Variants in TRPC4 observed in about 807,000 individuals in gnomAD.
The protein encoded by TRPC4 is transient receptor potential cation channel subfamily C member 4, also known as short transient receptor potential channel 4.
Under a neutral mutation model 99.4 loss-of-function variants are expected in TRPC4, and 49 were observed. The ratio of observed to expected loss-of-function variants is 0.49; its 90% CI spans 0.39 to 0.63. TRPC4 has a LOEUF of 0.63. Ranked by LOEUF, TRPC4 falls within the 20% of genes least tolerant of loss-of-function variation. The pLI, the probability that TRPC4 is intolerant of heterozygous loss-of-function variation, is 0.00. For synonymous variants in TRPC4, 454 were observed against 425.9 expected (o/e 1.07, Z -0.81); for missense variants, 898 against 1,152.9 (o/e 0.78, Z 3.20).
chr13:37,637,309 T>C lies in TRPC4; in HGVS notation c.2528A>G (p.Lys843Arg). 6.2e-7 allele frequency: 1 copy of C among 1,613,878 alleles called. No homozygotes were observed. Among genetic ancestry groups the C allele is most frequent in the Non-Finnish European group, 8.5e-7 (1 of 1,179,862 alleles). The change falls in exon 11 of 11, where the codon AAA (lysine) becomes AGA (arginine). Residue 843 changes from lysine to arginine, a missense_variant. This residue lies in a region of TRPC4 where 346 missense variants were observed against 351.4 expected (regional missense o/e 0.98). Transcript: ENST00000379705. Reference sequence around the variant, plus strand: ...TCGTCTATGAAATAACCCAAAGTTTTTGATATCGGTCACAAAATTCACTTT... The same window carrying C: ...TCGTCTATGAAATAACCCAAAGTTTCTGATATCGGTCACAAAATTCACTTT... ...QRKVNFVTDI[K>R]NFGLFHRRSK...
At chr13:37,828,345 C>T (rs543754184) in intron 1 of TRPC4, among the ~76,000 whole-genome samples, 9 of 152,228 alleles carry the variant, frequency 5.9e-5, no homozygotes, top group Non-Finnish European at 1.0e-4. Flanking sequence ...CAGATGCTGG[C>T]GAGGTTGTGG....
At chr13:37,824,757 G>T (rs1487913868) in intron 1 of TRPC4, among the ~76,000 whole-genome samples, 1 of 152,116 alleles carries the variant, frequency 6.6e-6, no homozygotes, top group Non-Finnish European at 1.5e-5. Flanking sequence ...TCTCTGCCAG[G>T]CTTTGGTATC....
intron 3 of TRPC4, among the ~76,000 whole-genome samples, chr13:37,719,841 T>G (rs1266868694): frequency 6.7e-6 from 1 of 149,072 alleles, no homozygotes; most frequent in African/African-American, 2.6e-5. Context: ...GAATGAAGGT[T>G]GCAGATGGAA....
At chr13:37,689,026 T>C (rs1953588784) in intron 4 of TRPC4, among the ~76,000 whole-genome samples, 1 of 152,134 alleles carries the variant, frequency 6.6e-6, no homozygotes, top group African/African-American at 2.4e-5. Context: ...TTTTTATATA[T>C]ATTACGCTTC....
intron 1 of TRPC4, among the ~76,000 whole-genome samples, chr13:37,829,501 C>A (rs927617622): frequency 6.6e-6 from 1 of 152,050 alleles, no homozygotes; most frequent in Non-Finnish European, 1.5e-5. Context: ...AAGGACGAGG[C>A]GAAATGGGAA....
chr13:37,839,301 T>A (rs1028829315), intron 1 of TRPC4, among the ~76,000 whole-genome samples: 1 of 152,092 alleles, frequency 6.6e-6, no homozygotes, highest in Non-Finnish European at 1.5e-5. Context: ...AGGACTATAG[T>A]AAAGGTGATG....
intron 2 of TRPC4, 135 bp downstream of exon 2, chr13:37,782,821 T>C (rs1317402966): frequency 2.4e-6 from 2 of 849,412 alleles, no homozygotes; most frequent in Non-Finnish European, 3.4e-6. Flanking sequence ...TGTTATAATA[T>C]AGTTCAGATT....
intron 8 of TRPC4, among the ~76,000 whole-genome samples, chr13:37,647,241 G>T (rs917581499): frequency 6.6e-6 from 1 of 152,164 alleles, no homozygotes; most frequent in African/African-American, 2.4e-5. Flanking sequence ...GCTGGGTGAC[G>T]AGTGTCAGTA....
intron 2 of TRPC4, among the ~76,000 whole-genome samples, chr13:37,762,883 T>TA (rs931548318): frequency 2.0e-5 from 3 of 150,522 alleles, no homozygotes; most frequent in Non-Finnish European, 3.0e-5. Flanking sequence ...TAAAATAAAA[T>TA]AAAAAAAAGA....
intron 5 of TRPC4, among the ~76,000 whole-genome samples, chr13:37,672,170 T>C (rs1952869736): frequency 6.6e-6 from 1 of 152,216 alleles, no homozygotes; most frequent in South Asian, 2.1e-4. Flanking sequence ...CATCCACAAA[T>C]ATCCATTAAT....
At chr13:37,830,854 A>T (rs1275636105) in intron 1 of TRPC4, among the ~76,000 whole-genome samples, 1 of 149,106 alleles carries the variant, frequency 6.7e-6, no homozygotes, top group Non-Finnish European at 1.5e-5. Flanking sequence ...AGGGGAGAAA[A>T]GTAAGCGTAA....
At chr13:37,802,264 A>G (rs1253145121) in intron 1 of TRPC4, among the ~76,000 whole-genome samples, 1 of 152,120 alleles carries the variant, frequency 6.6e-6, no homozygotes, top group Non-Finnish European at 1.5e-5. Flanking sequence ...AATACTGCTA[A>G]CTGAACCACA....
rs1234432274 is a variant in TRPC4, at chr13:37,666,109, G to T, written c.1375-2380C>A. ...TGAGAAACTTAGGATCTTCTTCCCA[G>T]AAGCTATTGTGCTTACACTCTCAGA... On this transcript the variant is annotated intron_variant, in intron 5 of 10. Coordinates refer to ENST00000379705, the MANE Select transcript of TRPC4 (RefSeq NM_016179.4). Among the ~76,000 whole-genome samples, 3 of 152,154 alleles carry T rather than the reference G, an allele frequency of 2.0e-5. No individual in the cohort carries two copies. The East Asian group carries it at 5.8e-4, about 29-fold the overall frequency.
chr13:37,672,385 T>C (rs2138749670), intron 5 of TRPC4, among the ~76,000 whole-genome samples: 1 of 152,340 alleles, frequency 6.6e-6, no homozygotes, highest in Admixed American at 6.5e-5. Flanking sequence ...AATGCAATGT[T>C]CTTCACAGTG....
chr13:37,865,144 C>T (rs915980645), intron 1 of TRPC4, among the ~76,000 whole-genome samples: 2 of 151,666 alleles, frequency 1.3e-5, no homozygotes, highest in African/African-American at 2.4e-5. Context: ...TTCAGCTAAT[C>T]GATGTCTTTT....
chr13:37,793,462 G>C (rs1435733820), intron 1 of TRPC4, among the ~76,000 whole-genome samples: 2 of 134,334 alleles, frequency 1.5e-5, no homozygotes, highest in Non-Finnish European at 3.1e-5. Context: ...ACAGGGCTTA[G>C]TACTACAACC....
intron 3 of TRPC4, among the ~76,000 whole-genome samples, chr13:37,728,390 C>G (rs924276445): frequency 3.0e-4 from 45 of 151,716 alleles, no homozygotes; most frequent in African/African-American, 1.1e-3. Flanking sequence ...TATATATAAT[C>G]AAAGAGTAAT....
intron 2 of TRPC4, among the ~76,000 whole-genome samples, chr13:37,748,757 T>G (rs1183115866): frequency 6.6e-6 from 1 of 151,986 alleles, no homozygotes; most frequent in Non-Finnish European, 1.5e-5. Flanking sequence ...GTATAGTATA[T>G]CCATACTGAA....
rs186368877 is a variant in TRPC4 at position 37,822,361 on chromosome 13, G to T, written c.-27-39001C>A. Among the ~76,000 whole-genome samples the T allele has an allele frequency of 8.7e-3, 1,327 of 151,870 alleles. 33 individuals carry two copies. The East Asian group carries it at 0.097, about 11-fold the overall frequency. On this transcript the variant is annotated intron_variant, in intron 1 of 10. Transcript: ENST00000379705. Reference sequence around the variant, plus strand: ...ACATATGTATACATGTGCCATGCTGGTGCGCTGCACCCACTAACTCGTCAT... The same window carrying T: ...ACATATGTATACATGTGCCATGCTGTTGCGCTGCACCCACTAACTCGTCAT...
Sources: allele counts gnomAD v4.1 joint callset (sites outside exome capture counted in the v4.1 genomes callset), GRCh38; gene constraint gnomAD v4.1.1; regional missense constraint gnomAD v4.1.1; transcripts MANE v1.5; gene names NCBI Gene and HGNC (gene_info 2026-07-23, HGNC 2026-07-21).